Variants in EFNA5 observed in about 807,000 individuals in gnomAD.
EFNA5 encodes the protein ephrin A5.
In EFNA5, 5 loss-of-function variants were observed where a neutral mutation model predicts 22.9. That is an observed-to-expected ratio of 0.22 (90% confidence interval 0.11 to 0.46). The LOEUF is 0.46. EFNA5 is among the 20% of genes least tolerant of loss of function. EFNA5 has a pLI of 0.99. For synonymous variants in EFNA5, 113 were observed against 112.2 expected, an observed-to-expected ratio of 1.01 and a Z score of -0.04; for missense variants, 237 against 293.3, an observed-to-expected ratio of 0.81 and a Z score of 1.40.
At chr5:107,609,635 G>A (rs1749788512) in intron 1 of EFNA5, among the ~76,000 whole-genome samples, 2 of 152,096 alleles carry the variant, frequency 1.3e-5, no homozygotes, top group South Asian at 2.1e-4. Flanking sequence ...CTCACCCTGC[G>A]TCCACCACTC....
intron 1 of EFNA5, among the ~76,000 whole-genome samples, chr5:107,603,845 T>C (rs1008573200): frequency 6.6e-6 from 1 of 152,212 alleles, no homozygotes; most frequent in Non-Finnish European, 1.5e-5. Flanking sequence ...ACTTTATATG[T>C]ATAGCTTTAC....
chr5:107,423,413 T>TAAA (rs11484483), intron 2 of EFNA5, among the ~76,000 whole-genome samples: 30,999 of 145,200 alleles, frequency 0.21, 3,410 homozygotes, highest in South Asian at 0.36. Flanking sequence ...AAAGGAGTAT[T>TAAA]AAAAAAAAAA....
chr5:107,509,317 CTT>C (rs113717483), intron 1 of EFNA5, among the ~76,000 whole-genome samples: 9 of 143,842 alleles, frequency 6.3e-5, no homozygotes, highest in Non-Finnish European at 7.7e-5. Flanking sequence ...TTTTCTTTTC[CTT>C]TTTTTTTTTT....
chr5:107,533,835 G>A (rs990750931), intron 1 of EFNA5, among the ~76,000 whole-genome samples: 2 of 152,156 alleles, frequency 1.3e-5, no homozygotes, highest in Non-Finnish European at 2.9e-5. Flanking sequence ...CCAAAATGCA[G>A]TAACAAAAAT....
At chr5:107,485,011 GAAAAA>G (rs368384569) in intron 1 of EFNA5, among the ~76,000 whole-genome samples, 2 of 148,444 alleles carry the variant, frequency 1.3e-5, no homozygotes, top group Non-Finnish European at 3.0e-5. Context: ...AAAAGAAAAA[GAAAAA>G]AAGGTAGGAA....
chr5:107,575,603 G>A (rs1748911710), intron 1 of EFNA5, among the ~76,000 whole-genome samples: 1 of 152,132 alleles, frequency 6.6e-6, no homozygotes, highest in African/African-American at 2.4e-5. Flanking sequence ...AGTTAGTCAT[G>A]ATGACTGAGA....
chr5:107,428,273 C>T (rs1307750570), intron 1 of EFNA5, among the ~76,000 whole-genome samples: 2 of 152,166 alleles, frequency 1.3e-5, no homozygotes, highest in Non-Finnish European at 2.9e-5. Context: ...AATCAAATGG[C>T]TCTTCCCCTC....
intron 1 of EFNA5, among the ~76,000 whole-genome samples, chr5:107,660,723 T>C (rs1198565212): frequency 6.6e-6 from 1 of 152,114 alleles, no homozygotes; most frequent in East Asian, 1.9e-4. Flanking sequence ...GTATCCCAAG[T>C]TGCTGCAATG....
intron 1 of EFNA5, among the ~76,000 whole-genome samples, chr5:107,501,029 G>A (rs921888509): frequency 9.2e-5 from 14 of 152,236 alleles, no homozygotes; most frequent in Middle Eastern, 3.4e-3. Flanking sequence ...ACCTGGTGTC[G>A]TCTTGGTTTT....
chr5:107,519,253 T>C (rs1747545562), intron 1 of EFNA5, among the ~76,000 whole-genome samples: 1 of 152,230 alleles, frequency 6.6e-6, no homozygotes, highest in Non-Finnish European at 1.5e-5. Flanking sequence ...AGCAGAATCA[T>C]GGTCCAATTG....
chr5:107,632,764 C>T (rs1280870709), intron 1 of EFNA5, among the ~76,000 whole-genome samples: 1 of 152,170 alleles, frequency 6.6e-6, no homozygotes, highest in African/African-American at 2.4e-5. Flanking sequence ...AAACACTCTC[C>T]TTATGCATAT....
intron 2 of EFNA5, among the ~76,000 whole-genome samples, chr5:107,389,630 CA>C (rs1392787336): frequency 2.0e-5 from 3 of 151,976 alleles, no homozygotes; most frequent in Non-Finnish European, 4.4e-5. Context: ...GGATTTAGTA[CA>C]GGTCTTTCAG....
intron 1 of EFNA5, among the ~76,000 whole-genome samples, chr5:107,523,292 C>CT (rs1382432890): frequency 2.3e-4 from 35 of 151,908 alleles, no homozygotes; most frequent in African/African-American, 8.5e-4. Context: ...GAAATATGTG[C>CT]TTCCTTTTTT....
intron 1 of EFNA5, among the ~76,000 whole-genome samples, chr5:107,528,676 C>T (rs1285489440): frequency 6.6e-6 from 1 of 152,120 alleles, no homozygotes; most frequent in Non-Finnish European, 1.5e-5. Flanking sequence ...AACACAACAA[C>T]AAAAACTACT....
intron 1 of EFNA5, among the ~76,000 whole-genome samples, chr5:107,563,421 T>TA (rs1212942355): frequency 2.0e-5 from 3 of 152,118 alleles, no homozygotes; most frequent in African/African-American, 7.2e-5. Context: ...ATTTTATTTT[T>TA]AAAAGTTATT....
In EFNA5 at chr5:107,381,350, G is replaced by T. The variant is rs748179054; in HGVS notation, c.592C>A (p.Pro198Thr). 6 of 1,613,892 alleles carry T rather than the reference G, an allele frequency of 3.7e-6. No individual in the cohort carries two copies. In the East Asian group the frequency reaches 8.9e-5, roughly 24 times the overall value. The change falls in exon 5 of 5, where the codon CCA becomes ACA. Residue 198 changes from proline to threonine, a missense_variant. This residue lies in a region of EFNA5 where 104 missense variants were observed against 114.5 expected (regional missense o/e 0.91). Coordinates refer to ENST00000333274, the MANE Select transcript of EFNA5 (RefSeq NM_001962.3). Reference sequence around the variant, plus strand: ...TGTGCCGCGTTCTCGCCGCGGGATGGCTCGGCTGACTCATGTACGGTGTCA... The same window carrying T: ...TGTGCCGCGTTCTCGCCGCGGGATGTCTCGGCTGACTCATGTACGGTGTCA... ...ADDTVHESAE[P>T]SRGENAAQTP...
chr5:107,511,002 T>TGTGTGTGTGTG (rs1747355604), intron 1 of EFNA5, among the ~76,000 whole-genome samples: 1 of 140,300 alleles, frequency 7.1e-6, no homozygotes, highest in African/African-American at 2.7e-5. Context: ...TTCTTTTTCT[T>TGTGTGTGTGTG]TGTGTGTGTG....
At chr5:107,571,672 C>G (rs977835832) in intron 1 of EFNA5, among the ~76,000 whole-genome samples, 1 of 152,076 alleles carries the variant, frequency 6.6e-6, no homozygotes, top group Non-Finnish European at 1.5e-5. Context: ...AATTGCCAGC[C>G]GTGGAATTTT....
At position 107,437,529 on chromosome 5, in the gene EFNA5, G is replaced by A. The variant is rs79503694; in HGVS notation, c.126-10020C>T. Among the ~76,000 whole-genome samples the A allele has an allele frequency of 6.1e-4, 93 of 152,304 alleles. 1 individual carries two copies. In the East Asian group the frequency reaches 0.017, roughly 27 times the overall value. On this transcript the variant is annotated intron_variant, in intron 1 of 4. Coordinates refer to ENST00000333274, the MANE Select transcript of EFNA5 (RefSeq NM_001962.3). ...ATGTATAGATTTAGAAGAAAACTGG[G>A]ACTTTGCTGAATGCAAATTGCTGTA... is the stretch of plus-strand genomic sequence containing the variant.
Sources: gnomAD v4.1 joint callset for allele counts (sites outside exome capture counted in the v4.1 genomes callset) on GRCh38, gnomAD v4.1.1 for gene constraint, gnomAD v4.1.1 regional missense constraint, MANE v1.5 for transcripts, NCBI Gene and HGNC (gene_info 2026-07-23, HGNC 2026-07-21) for gene names.